Variants in RALGPS1 observed in about 807,000 individuals in gnomAD.
The protein encoded by RALGPS1 is Ral GEF with PH domain and SH3 binding motif 1, also known as ras-specific guanine nucleotide-releasing factor RalGPS1.
A neutral mutation model predicts 78.8 loss-of-function variants in RALGPS1; 19 were observed. The observed-to-expected ratio is 0.24, with a 90% CI of 0.17 to 0.35. The LOEUF (loss-of-function observed/expected upper bound fraction) is 0.35, where lower values mean the gene tolerates loss of function less well. Ranked by LOEUF, RALGPS1 falls within the 10% of genes least tolerant of loss-of-function variation. The pLI, the probability that RALGPS1 is intolerant of heterozygous loss-of-function variation, is 1.00. For missense variants in RALGPS1, 454 were observed against 688.3 expected, an observed-to-expected ratio of 0.66 and a Z score of 3.81; for synonymous variants, 228 against 256.3, an observed-to-expected ratio of 0.89 and a Z score of 1.06.
intron 11 of RALGPS1, among the ~76,000 whole-genome samples, chr9:127,192,461 A>G (rs954730365): frequency 8.5e-5 from 13 of 152,218 alleles, no homozygotes; most frequent in Non-Finnish European, 1.9e-4. Context: ...GGATGGTGCC[A>G]AGAGGTGGAT....
At chr9:127,036,557 A>G (rs781643522) in intron 5 of RALGPS1, among the ~76,000 whole-genome samples, 2 of 152,206 alleles carry the variant, frequency 1.3e-5, no homozygotes, top group African/African-American at 2.4e-5. Context: ...GAAAAGAGAA[A>G]TGTGAAGATC....
At chr9:127,126,623 A>G (rs970207182) in intron 8 of RALGPS1, among the ~76,000 whole-genome samples, 3 of 152,232 alleles carry the variant, frequency 2.0e-5, no homozygotes, top group Admixed American at 6.5e-5. Context: ...TGTCTACAGC[A>G]TTTAATCGGC....
intron 8 of RALGPS1, among the ~76,000 whole-genome samples, chr9:127,077,727 G>A (rs996273090): frequency 4.6e-5 from 7 of 151,990 alleles, no homozygotes; most frequent in African/African-American, 1.7e-4. Context: ...CGTTTCCAAG[G>A]TTCCCCAAGG....
At chr9:126,933,647 C>T (rs1178216816) in intron 1 of RALGPS1, among the ~76,000 whole-genome samples, 2 of 152,172 alleles carry the variant, frequency 1.3e-5, no homozygotes, top group Non-Finnish European at 2.9e-5. Context: ...AAGTCACCTT[C>T]TCTCAGTGAA....
Position 127,052,969 on chromosome 9 carries a change from T to G in RALGPS1, c.483+30T>G, listed in dbSNP as rs776036210. The G allele has an allele frequency of 1.2e-5, 18 of 1,441,276 alleles. No individual in the cohort carries two copies. The East Asian group carries it at 2.5e-4, about 20-fold the overall frequency. 89.3% of individuals were successfully genotyped at this position (1,441,276 alleles called of 1,614,324 possible). On this transcript the variant is annotated intron_variant, in intron 7 of 18. Coordinates refer to ENST00000259351, the MANE Select transcript of RALGPS1 (RefSeq NM_014636.3). ...GTTAATCTCCCTAAGTCTATCTAATTTTGGCTATCATTTCATTGGTGAAGT... is the reference window on the plus strand; with the variant it reads ...GTTAATCTCCCTAAGTCTATCTAATGTTGGCTATCATTTCATTGGTGAAGT...
At position 126,977,763 on chromosome 9, in the gene RALGPS1, C is replaced by T. The variant is rs1473535055; in HGVS notation, c.216+18C>T. The T allele has an allele frequency of 3.8e-6, 6 of 1,566,910 alleles. No individual in the cohort carries two copies. The highest frequency in any genetic ancestry group is 4.4e-6 in the Non-Finnish European group (5 of 1,147,368). ...AGCCGGAGGTCTGTACTTTGTCTTT[C>T]TACTCTTCTATTCATGCTGTGGGTG... On this transcript the variant is annotated intron_variant, in intron 4 of 18. Coordinates refer to ENST00000259351, the MANE Select transcript of RALGPS1 (RefSeq NM_014636.3).
At chr9:126,953,872 T>TA (rs2038099861) in intron 1 of RALGPS1, among the ~76,000 whole-genome samples, 1 of 152,210 alleles carries the variant, frequency 6.6e-6, no homozygotes. Flanking sequence ...CTGCCTATCT[T>TA]ATTTGCTGCT....
intron 5 of RALGPS1, among the ~76,000 whole-genome samples, chr9:127,039,103 T>C (rs1048430446): frequency 9.2e-5 from 14 of 152,030 alleles, no homozygotes; most frequent in Admixed American, 7.9e-4. Context: ...GATGCAAATA[T>C]TGGAGTCACC....
rs913582751 is a variant in RALGPS1, at chr9:127,205,571, C to T, written c.1247+6505C>T. On this transcript the variant is annotated intron_variant, in intron 14 of 18. Transcript: ENST00000259351. The surrounding 1 kb of genome is among the most constrained non-coding windows in gnomAD (Gnocchi z 4.0). ...TGGGTAGCTGGGAAATCTCTGCCCA[C>T]AGCTTCTCTGTCCAATATCTACAAT... Among the ~76,000 whole-genome samples, 9 of 152,244 alleles carry T rather than the reference C, an allele frequency of 5.9e-5. No individual in the cohort carries two copies. The South Asian group carries it at 6.2e-4, about 11-fold the overall frequency.
chr9:127,120,745 G>A (rs763443548), intron 8 of RALGPS1, among the ~76,000 whole-genome samples: 5 of 151,866 alleles, frequency 3.3e-5, no homozygotes, highest in Non-Finnish European at 5.9e-5. Flanking sequence ...GGAGAATGGC[G>A]TGAACCCAGC....
At chr9:127,179,747 G>A (rs886226457) in intron 11 of RALGPS1, among the ~76,000 whole-genome samples, 2 of 152,320 alleles carry the variant, frequency 1.3e-5, no homozygotes, top group African/African-American at 4.8e-5. Flanking sequence ...CTGAAAGGAG[G>A]CAGTGGGAGC....
intron 8 of RALGPS1, among the ~76,000 whole-genome samples, chr9:127,126,140 A>AC (rs1483687425): frequency 7.0e-6 from 1 of 143,136 alleles, no homozygotes; most frequent in East Asian, 2.0e-4. Context: ...CCCATACCCC[A>AC]CCCCACCCCT....
chr9:127,081,972 G>A (rs1382310116), intron 8 of RALGPS1, among the ~76,000 whole-genome samples: 1 of 152,192 alleles, frequency 6.6e-6, no homozygotes, highest in Non-Finnish European at 1.5e-5. Flanking sequence ...GGAGAGACAC[G>A]GATATTTGAA....
chr9:126,932,431 G>A (rs1176166379), intron 1 of RALGPS1, among the ~76,000 whole-genome samples: 4 of 152,168 alleles, frequency 2.6e-5, no homozygotes, highest in African/African-American at 9.7e-5. Flanking sequence ...ATATGGATGT[G>A]TACCAGAAGG....
chr9:126,922,613 A>G (rs193214335), intron 1 of RALGPS1, among the ~76,000 whole-genome samples: 79 of 152,330 alleles, frequency 5.2e-4, no homozygotes, highest in African/African-American at 1.9e-3. Context: ...TCTAGGCACC[A>G]TATCTCTAAC....
At chr9:127,146,156 G>A (rs2058081973) in intron 8 of RALGPS1, among the ~76,000 whole-genome samples, 1 of 152,120 alleles carries the variant, frequency 6.6e-6, no homozygotes, top group Non-Finnish European at 1.5e-5. Flanking sequence ...GAGGTTTGGG[G>A]TATGAATCTC....
intron 7 of RALGPS1, among the ~76,000 whole-genome samples, chr9:127,055,934 C>G (rs987777599): frequency 6.6e-6 from 1 of 152,200 alleles, no homozygotes; most frequent in African/African-American, 2.4e-5. Context: ...TGCTGGAGTG[C>G]AGCAGAAAGA....
chr9:127,028,451 C>T (rs2046144025), intron 4 of RALGPS1, among the ~76,000 whole-genome samples: 1 of 152,236 alleles, frequency 6.6e-6, no homozygotes, highest in African/African-American at 2.4e-5. Context: ...GAGATGGTCT[C>T]TGTGGAGTGT....
intron 5 of RALGPS1, among the ~76,000 whole-genome samples, chr9:127,048,290 A>C (rs1469356969): frequency 6.6e-6 from 1 of 152,112 alleles, no homozygotes; most frequent in Admixed American, 6.5e-5. Context: ...ACATATGGCC[A>C]CACTTCAGTC....
Sources: gnomAD v4.1 joint callset for allele counts (sites outside exome capture counted in the v4.1 genomes callset) on GRCh38, gnomAD v4.1.1 for gene constraint, Gnocchi (gnomAD v3.1) non-coding constraint, MANE v1.5 for transcripts, NCBI Gene and HGNC (gene_info 2026-07-23, HGNC 2026-07-21) for gene names.